SETX: variants seen among roughly 807,000 people sequenced by gnomAD.
The protein encoded by SETX is senataxin.
SETX carries 90 observed loss-of-function variants against 227.2 expected under a neutral mutation model. That is an observed-to-expected ratio of 0.40 (90% CI 0.33 to 0.47). The LOEUF (loss-of-function observed/expected upper bound fraction) is 0.47, where lower values mean the gene tolerates loss of function less well. Among genes scored for constraint, SETX ranks in the 20% least tolerant of loss-of-function variants. SETX has a pLI of 0.91. For missense variants in SETX, 3,052 were observed against 3,181.5 expected, an observed-to-expected ratio of 0.96 and a Z score of 0.98; for synonymous variants, 1,210 against 1,113.2, an observed-to-expected ratio of 1.09 and a Z score of -1.73.
intron 12 of SETX, 39 bp from the exon 13 acceptor site, chr9:132,298,351 C>T (rs770709811): frequency 1.4e-6 from 2 of 1,463,370 alleles, no homozygotes; most frequent in Admixed American, 1.7e-5. Context: ...TCAGTTATCA[C>T]TGAATAATGC....
In SETX at chr9:132,342,815, T is replaced by C. The variant is rs200380642; in HGVS notation, c.389-16A>G. Reference sequence around the variant, plus strand: ...CATAACTCGTCTAAAAAGAAAAAAATAAGTAAAATACATAAATCTTATCAC... The same window carrying C: ...CATAACTCGTCTAAAAAGAAAAAAACAAGTAAAATACATAAATCTTATCAC... On this transcript the variant is annotated splice_polypyrimidine_tract_variant and intron_variant, in intron 4 of 25. Transcript: ENST00000224140. The C allele has an allele frequency of 5.8e-5, 89 of 1,542,694 alleles. No homozygotes were observed. The East Asian group carries it at 1.5e-3, about 26-fold the overall frequency.
At chr9:132,279,768 G>A (rs925083895) in intron 20 of SETX, among the ~76,000 whole-genome samples, 6 of 152,054 alleles carry the variant, frequency 3.9e-5, no homozygotes, top group African/African-American at 1.2e-4. Flanking sequence ...GTAAGGTAAC[G>A]CATCTACCTC....
intron 11 of SETX, among the ~76,000 whole-genome samples, chr9:132,307,431 T>A (rs573375182): frequency 6.6e-6 from 1 of 152,086 alleles, no homozygotes; most frequent in Non-Finnish European, 1.5e-5. Flanking sequence ...TAACAGCATA[T>A]AGCATGCCCA....
At chr9:132,354,694 G>A (rs1054317682) in intron 1 of SETX, among the ~76,000 whole-genome samples, 2 of 151,800 alleles carry the variant, frequency 1.3e-5, no homozygotes, top group Admixed American at 1.3e-4. Flanking sequence ...GGGTCGCAGC[G>A]GCCGGGTCCA....
chr9:132,335,137 TC>T (rs759020009), intron 6 of SETX, among the ~76,000 whole-genome samples: 13 of 151,984 alleles, frequency 8.6e-5, no homozygotes, highest in East Asian at 3.9e-4. Context: ...ACACCTGTAA[TC>T]CCAGCACTTT....
chr9:132,331,434 G>A lies in SETX; in HGVS notation c.853C>T (p.Pro285Ser). 1.2e-6 allele frequency: 2 copies of A among 1,613,872 alleles called. No homozygotes were observed. The highest frequency in any genetic ancestry group is 1.7e-6 in the Non-Finnish European group (2 of 1,179,954). ...EREADDDSVD[P>S]FWPALHCFMV... ...AAACAGTGTAACGCTGGCCAGAAAG[G>A]ATCCACACTATCATCTGAAATACAA... Residue 285 changes from proline to serine, a missense_variant, in exon 8 of 26, where the codon CCT becomes TCT. Coordinates refer to ENST00000224140, the MANE Select transcript of SETX (RefSeq NM_015046.7).
intron 11 of SETX, among the ~76,000 whole-genome samples, chr9:132,309,319 C>T (rs1845510722): frequency 6.6e-6 from 1 of 151,900 alleles, no homozygotes; most frequent in African/African-American, 2.4e-5. Context: ...ACAAACATAG[C>T]AGTGCAGTGA....
rs750687631 is a variant in SETX at position 132,330,495 on chromosome 9, G to C, written c.1103C>G (p.Ser368Cys). The C allele has an allele frequency of 6.2e-7, 1 of 1,611,734 alleles. No homozygotes were observed. Among genetic ancestry groups the C allele is most frequent in the African/African-American group, 1.3e-5 (1 of 74,896 alleles). The change falls in exon 10 of 26, where the codon TCT (serine) becomes TGT (cysteine). Residue 368 changes from serine to cysteine, a missense_variant. Around this residue, in one of 10 missense-constraint regions of SETX, gnomAD observed 39 missense variants for 84.8 expected, o/e 0.46. Coordinates refer to ENST00000224140, the MANE Select transcript of SETX (RefSeq NM_015046.7). The part of the protein sequence containing the change: ...NYNPEKTKKD[S>C]GWRTAICPDY... ...TGGGCAAATGGCTGTTCTCCATCCA[G>C]AATCCTAAAATGAAAGAAATGCTGA... is the stretch of plus-strand genomic sequence containing the variant.
At chr9:132,285,565 G>A (rs752233942) in intron 18 of SETX, among the ~76,000 whole-genome samples, 1 of 151,318 alleles carries the variant, frequency 6.6e-6, no homozygotes, top group African/African-American at 2.4e-5. Context: ...GGCCAACATG[G>A]TGAAACCCCA....
At position 132,326,450 on chromosome 9, in the gene SETX, A is replaced by G. The variant is rs1025993904; in HGVS notation, c.5148T>C (p.Phe1716=). The G allele has an allele frequency of 2.5e-6, 4 of 1,614,220 alleles. No individual in the cohort carries two copies. Among genetic ancestry groups the G allele is most frequent in the Non-Finnish European group, 3.4e-6 (4 of 1,180,040 alleles). ...LKWKYEMFLN[F]GQCGPPASLC... is the part of the protein sequence containing the mutation. ...GACTTGCAGGGGGCCCACACTGACC[A>G]AAGTTCAAAAACATTTCATATTTCC... Residue 1716 remains phenylalanine, a synonymous_variant, in exon 10 of 26, where the codon TTT becomes TTC. Coordinates refer to ENST00000224140, the MANE Select transcript of SETX (RefSeq NM_015046.7).
chr9:132,264,694 G>A lies in SETX; in HGVS notation c.7579C>T (p.Pro2527Ser). ...EITLTVTSKDPERPPVHDQLQ... is the reference protein window; with the variant it reads ...EITLTVTSKDSERPPVHDQLQ... ...TGGTCATGAACAGGAGGTCTTTCAG[G>A]GTCCTTTGAAGTAACAGTAAGAGTA... Residue 2527 changes from proline (P) to serine (S), a missense_variant, in exon 26 of 26, where the codon CCT becomes TCT. Physicochemically the swap from Pro to Ser is moderately conservative, Grantham distance 74 (BLOSUM62 -1). This residue lies in a region of SETX where 294 missense variants were observed against 278.8 expected (regional missense o/e 1.05). Coordinates refer to ENST00000224140, the MANE Select transcript of SETX (RefSeq NM_015046.7). The A allele has an allele frequency of 6.2e-7, 1 of 1,614,170 alleles. No homozygotes were observed. Among genetic ancestry groups the A allele is most frequent in the Non-Finnish European group, 8.5e-7 (1 of 1,180,026 alleles).
intron 11 of SETX, among the ~76,000 whole-genome samples, chr9:132,304,275 A>G (rs1180399748): frequency 6.6e-6 from 1 of 152,192 alleles, no homozygotes; most frequent in African/African-American, 2.4e-5. Flanking sequence ...CTTGAAACTC[A>G]AAGCTTCTGA....
intron 7 of SETX, among the ~76,000 whole-genome samples, chr9:132,332,293 T>C (rs1460567152): frequency 6.6e-6 from 1 of 152,228 alleles, no homozygotes. Context: ...ATGCCCTCAA[T>C]TCTAGCACAA....
Position 132,278,145 on chromosome 9 carries a change from A to T in SETX, c.6767T>A (p.Val2256Asp). 1 of 1,614,196 alleles carries T rather than the reference A, an allele frequency of 6.2e-7. No homozygotes were observed. Among genetic ancestry groups the T allele is most frequent in the Non-Finnish European group, 8.5e-7 (1 of 1,180,030 alleles). Residue 2256 changes from valine to aspartate, a missense_variant, in exon 21 of 26, where the codon GTT becomes GAT. Val to Asp is a radical substitution (Grantham distance 152, BLOSUM62 -3). This residue lies in a region of SETX where 412 missense variants were observed against 589.0 expected (regional missense o/e 0.70). Coordinates refer to ENST00000224140, the MANE Select transcript of SETX (RefSeq NM_015046.7). ...ISRLPILQLTVQYRMHPDICL... is the reference protein window; with the variant it reads ...ISRLPILQLTDQYRMHPDICL... Reference sequence around the variant, plus strand: ...TATGTCTGGATGCATCCTGTACTGAACAGTGAGCTGTAGAATGGGCAGCCT... The same window carrying T: ...TATGTCTGGATGCATCCTGTACTGATCAGTGAGCTGTAGAATGGGCAGCCT...
intron 2 of SETX, 31 bp from the exon 3 acceptor site, chr9:132,349,466 A>G: frequency 3.1e-6 from 5 of 1,610,318 alleles, no homozygotes; most frequent in Non-Finnish European, 1.7e-6. Flanking sequence ...ATCAAGAAGA[A>G]AACCAACTTC....
Position 132,327,904 on chromosome 9 carries a change from G to A in SETX, c.3694C>T (p.Pro1232Ser). The change falls in exon 10 of 26, where the codon CCC becomes TCC. Residue 1232 changes from proline (P) to serine (S), a missense_variant. Physicochemically the swap from Pro to Ser is moderately conservative, Grantham distance 74 (BLOSUM62 -1). Around this residue, in one of 10 missense-constraint regions of SETX, gnomAD observed 1,483 missense variants for 1,312.0 expected, o/e 1.13. Transcript: ENST00000224140. ...KSSKLCTCTE[P>S]IRKVPVSKTP... The stretch of plus-strand genomic sequence containing the variant: ...TTAGAAACTGGAACTTTCCTGATGG[G>A]TTCTGTACAAGTACAAAGCTTTGAA... The A allele has an allele frequency of 6.2e-7, 1 of 1,614,172 alleles. No individual in the cohort carries two copies. Among genetic ancestry groups the A allele is most frequent in the Non-Finnish European group, 8.5e-7 (1 of 1,180,038 alleles).
At chr9:132,275,147 A>T in intron 23 of SETX, 109 bp downstream of exon 23, 1 of 1,204,310 alleles carries the variant, frequency 8.3e-7, no homozygotes, top group Non-Finnish European at 1.2e-6. Context: ...GTGCCGTATC[A>T]CCAATTTGCA....
chr9:132,268,875 G>A (rs1842768293), intron 25 of SETX, among the ~76,000 whole-genome samples: 1 of 152,202 alleles, frequency 6.6e-6, no homozygotes, highest in African/African-American at 2.4e-5. Flanking sequence ...AAAGGCTGGA[G>A]GTGATAGAGG....
At position 132,329,165 on chromosome 9, in the gene SETX, T is replaced by C. The variant is rs139591400; in HGVS notation, c.2433A>G (p.Leu811=). The C allele has an allele frequency of 6.2e-7, 1 of 1,612,236 alleles. No individual in the cohort carries two copies. Among genetic ancestry groups the C allele is most frequent in the South Asian group, 1.1e-5 (1 of 90,858 alleles). Reference sequence around the variant, plus strand: ...TGTTAGATACAGTCAAATTTTCATCTAAATTGATAGTATTATCGACCAAAG... The same window carrying C: ...TGTTAGATACAGTCAAATTTTCATCCAAATTGATAGTATTATCGACCAAAG... The part of the protein sequence containing the change: ...KSTLVDNTIN[L]DENLTVSNIE... Residue 811 remains leucine (L), a synonymous_variant, in exon 10 of 26, where the codon TTA becomes TTG. Transcript: ENST00000224140.
Sources: allele counts gnomAD v4.1 joint callset (sites outside exome capture counted in the v4.1 genomes callset), GRCh38; gene constraint gnomAD v4.1.1; regional missense constraint gnomAD v4.1.1; transcripts MANE v1.5; gene names NCBI Gene and HGNC (gene_info 2026-07-23, HGNC 2026-07-21).